The following SOD2 variants were observed in gnomAD, a reference collection of about 807,000 sequenced individuals.
SOD2 encodes superoxide dismutase 2.
A neutral mutation model predicts 27.0 loss-of-function variants in SOD2; 11 were observed. The ratio of observed to expected loss-of-function variants is 0.41; its 90% confidence interval spans 0.26 to 0.67. The LOEUF is 0.67. Ranked by LOEUF, SOD2 falls within the 30% of genes least tolerant of loss-of-function variation. SOD2 has a pLI of 0.34. For missense variants in SOD2, 250 were observed against 274.5 expected (o/e 0.91, Z 0.63); for synonymous variants, 105 against 103.0 (o/e 1.02, Z -0.12).
At chr6:159,752,113 G>A (rs541580984) in intron 1 of SOD2, among the ~76,000 whole-genome samples, 2 of 150,878 alleles carry the variant, frequency 1.3e-5, no homozygotes, top group Admixed American at 6.6e-5. Flanking sequence ...ACACTTCAAA[G>A]ATTGATAAAA....
Position 159,672,781 on chromosome 6 carries a change from A to G in SOD2, c.*9712T>C, listed in dbSNP as rs988053197. 1.3e-5 allele frequency: 2 copies of G among 152,216 alleles called. No individual in the cohort carries two copies. Among genetic ancestry groups the G allele is most frequent in the Non-Finnish European group, 2.9e-5 (2 of 68,050 alleles). 9.4% of individuals were successfully genotyped at this position (152,216 alleles called of 1,614,324 possible). A position where few individuals can be genotyped will look rare whatever the true frequency, so the allele number is the denominator to read the frequency against. ...TGTAAATGGGCTAAATGCTCCAATT[A>G]AAAGACACAGACTGGCACACTGGAT... On this transcript the variant is annotated 3_prime_UTR_variant, in exon 5 of 5. Coordinates refer to ENST00000538183, the MANE Select transcript of SOD2 (RefSeq NM_000636.4).
In SOD2 at chr6:159,674,407, T is replaced by G. The variant is rs1160483706; in HGVS notation, c.*8086A>C. ...AAAAAGCTTATCCACCATGATCAAG[T>G]GGGCTTCATCCCTGGGATGCAAGGC... On this transcript the variant is annotated 3_prime_UTR_variant, in exon 5 of 5. Coordinates refer to ENST00000538183, the MANE Select transcript of SOD2 (RefSeq NM_000636.4). 8 of 152,314 alleles carry G rather than the reference T, an allele frequency of 5.3e-5. No individual in the cohort carries two copies. Among genetic ancestry groups the G allele is most frequent in the Non-Finnish European group, 7.4e-5 (5 of 68,026 alleles). 9.4% of individuals were successfully genotyped at this position (152,314 alleles called of 1,614,324 possible). A position where few individuals can be genotyped will look rare whatever the true frequency, so the allele number is the denominator to read the frequency against.
upstream of SOD2, chr6:159,748,298 A>T: frequency 6.2e-7 from 1 of 1,614,132 alleles, no homozygotes; most frequent in Non-Finnish European, 8.5e-7. The surrounding 1 kb of genome is among the most constrained non-coding windows in gnomAD (Gnocchi z 5.6). Flanking sequence ...TGAAAGGTGA[A>T]CTGGAACAGA....
At chr6:159,725,827 G>A (rs942986941) in intron 1 of SOD2, 3 of 151,542 alleles carry the variant, frequency 2.0e-5, no homozygotes, top group Admixed American at 6.6e-5. Flanking sequence ...TTTTGCTTTT[G>A]AATACAGTGA....
At position 159,675,389 on chromosome 6, in the gene SOD2, C is replaced by T. The variant is rs1157417833; in HGVS notation, c.*7104G>A. 6.6e-6 allele frequency: 1 copy of T among 152,090 alleles called. No homozygotes were observed. Among genetic ancestry groups the T allele is most frequent in the African/African-American group, 2.4e-5 (1 of 41,402 alleles). The allele number at this position is 152,090 out of a possible 1,614,324, so 9.4% of individuals were successfully genotyped here. ...TAACCAAAACAGCATGGTACTAGTA[C>T]CAAAACAGAGATATAGACCAATGGA... On this transcript the variant is annotated 3_prime_UTR_variant, in exon 5 of 5. Coordinates refer to ENST00000538183, the MANE Select transcript of SOD2 (RefSeq NM_000636.4).
At chr6:159,690,096 C>A (rs188871868) in intron 2 of SOD2, among the ~76,000 whole-genome samples, 1 of 149,924 alleles carries the variant, frequency 6.7e-6, no homozygotes, top group Non-Finnish European at 1.5e-5. Flanking sequence ...CCAGCCTGGA[C>A]GACATGGAAA....
At chr6:159,692,054 C>T (rs986723886) in intron 2 of SOD2, 3 of 155,592 alleles carry the variant, frequency 1.9e-5, no homozygotes, top group Non-Finnish European at 4.3e-5. Context: ...ACCCCGTTTG[C>T]TCTCAGGAAG....
upstream of SOD2, among the ~76,000 whole-genome samples, chr6:159,693,875 G>A (rs537715644): frequency 6.6e-6 from 1 of 152,210 alleles, no homozygotes; most frequent in Non-Finnish European, 1.5e-5. Flanking sequence ...CCTATTCCAG[G>A]ACAGGAGGCA....
At position 159,672,676 on chromosome 6, in the gene SOD2, T is replaced by C. The variant is rs1779692638; in HGVS notation, c.*9817A>G. 1 of 152,078 alleles carries C rather than the reference T, an allele frequency of 6.6e-6. No homozygotes were observed. The highest frequency in any genetic ancestry group is 1.9e-4 in the East Asian group (1 of 5,206). 9.4% of individuals were successfully genotyped at this position (152,078 alleles called of 1,614,324 possible). A position where few individuals can be genotyped will look rare whatever the true frequency, so the allele number is the denominator to read the frequency against. On this transcript the variant is annotated 3_prime_UTR_variant, in exon 5 of 5. Transcript: ENST00000538183. ...AAGACCATTGAGGCTAGGAAGAAAC[T>C]GCATCAACTAACGAGCAAAATAACC...
At chr6:159,719,193 C>T (rs909899754) in intron 1 of SOD2, among the ~76,000 whole-genome samples, 5 of 151,740 alleles carry the variant, frequency 3.3e-5, no homozygotes, top group African/African-American at 4.8e-5. Context: ...TAAAAGGGAC[C>T]CCATAGAGCT....
rs749968954 is a variant in SOD2 at position 159,682,201 on chromosome 6, T to A, written c.*292A>T. 1 of 215,618 alleles carries A rather than the reference T, an allele frequency of 4.6e-6. No individual in the cohort carries two copies. The highest frequency in any genetic ancestry group is 2.3e-5 in the African/African-American group (1 of 43,662). The allele number at this position is 215,618 out of a possible 1,614,324, so 13.4% of individuals were successfully genotyped here. On this transcript the variant is annotated 3_prime_UTR_variant, in exon 5 of 5. Transcript: ENST00000538183. ...AAGGCATCCCTACAAGTCCCCAAAG[T>A]ATATGGATGGAATATTTTTGATGGT...
chr6:159,705,381 T>G (rs905287801), intron 1 of SOD2, among the ~76,000 whole-genome samples: 2 of 152,186 alleles, frequency 1.3e-5, no homozygotes, highest in Non-Finnish European at 2.9e-5. Flanking sequence ...GAAAAAAGAT[T>G]AGACGAATGG....
At chr6:159,728,195 G>A (rs1778334315), upstream of SOD2, among the ~76,000 whole-genome samples, 1 of 152,242 alleles carries the variant, frequency 6.6e-6, no homozygotes, top group Admixed American at 6.5e-5. Context: ...AGCATTCTGA[G>A]GAAAGAAACT....
intron 1 of SOD2, among the ~76,000 whole-genome samples, chr6:159,698,640 T>C (rs897034542): frequency 1.7e-5 from 2 of 119,016 alleles, no homozygotes; most frequent in African/African-American, 3.4e-5. Flanking sequence ...AGAAAAGAAA[T>C]CTGACTGTAA....
In SOD2 at chr6:159,669,763, T is replaced by C. The variant is rs1278413295; in HGVS notation, c.*12730A>G. ...TAAAGTCTATTTTATCTCATGTAAG[T>C]ATAGTTATTTCTGCTCTTTTTTGGC... On this transcript the variant is annotated 3_prime_UTR_variant, in exon 5 of 5. Transcript: ENST00000538183. The C allele has an allele frequency of 6.6e-6, 1 of 152,248 alleles. No homozygotes were observed. The highest frequency in any genetic ancestry group is 1.5e-5 in the Non-Finnish European group (1 of 68,040). 9.4% of individuals were successfully genotyped at this position (152,248 alleles called of 1,614,324 possible). A position where few individuals can be genotyped will look rare whatever the true frequency, so the allele number is the denominator to read the frequency against.
chr6:159,742,025 C>T, intron 1 of SOD2: 1 of 1,174,948 alleles, frequency 8.5e-7, no homozygotes, highest in East Asian at 2.5e-5. Context: ...TTATAGATAT[C>T]TTCTAGTTTA....
intron 1 of SOD2, among the ~76,000 whole-genome samples, chr6:159,725,067 G>A (rs79759613): frequency 5.3e-5 from 8 of 152,178 alleles, no homozygotes; most frequent in Admixed American, 1.3e-4. Context: ...GCTCAGCTCC[G>A]GGACTTTAGT....
In SOD2 at chr6:159,682,512, T is replaced by C; in HGVS notation, c.650A>G (p.Tyr217Cys). ...VINWENVTER[Y>C]MACKK is the part of the protein sequence containing the mutation. The stretch of plus-strand genomic sequence containing the variant: ...CGTGGTTTACTTTTTGCAAGCCATG[T>C]ATCTTTCAGTTACATTCTCCCAGTT... Residue 217 changes from tyrosine to cysteine, a missense_variant, in exon 5 of 5, where the codon TAC becomes TGC. Coordinates refer to ENST00000538183, the MANE Select transcript of SOD2 (RefSeq NM_000636.4). 1 of 1,613,766 alleles carries C rather than the reference T, an allele frequency of 6.2e-7. No homozygotes were observed. Among genetic ancestry groups the C allele is most frequent in the South Asian group, 1.1e-5 (1 of 90,962 alleles).
At chr6:159,682,796 A>G (rs1562416630) in intron 4 of SOD2, among the ~76,000 whole-genome samples, 158 bp from the exon 5 acceptor site, 1 of 152,260 alleles carries the variant, frequency 6.6e-6, no homozygotes, top group Non-Finnish European at 1.5e-5. Context: ...CTAGATAAGA[A>G]TGAATATTCC....
Sources: gnomAD v4.1 joint callset for allele counts (sites outside exome capture counted in the v4.1 genomes callset) on GRCh38, gnomAD v4.1.1 for gene constraint, Gnocchi (gnomAD v3.1) non-coding constraint, MANE v1.5 for transcripts, NCBI Gene and HGNC (gene_info 2026-07-23, HGNC 2026-07-21) for gene names.